METTL6: variants seen among roughly 807,000 people sequenced by gnomAD.
METTL6 encodes tRNA N(3)-cytidine methyltransferase METTL6.
A neutral mutation model predicts 26.4 loss-of-function variants in METTL6; 22 were observed. The ratio of observed to expected loss-of-function variants is 0.83; its 90% CI spans 0.59 to 1.19. The LOEUF is 1.19. Ranked by LOEUF, METTL6 falls within the 50% of genes most tolerant of loss-of-function variation. The probability of loss-of-function intolerance (pLI) is 0.00; values close to 1 mark genes in which losing one functional copy is unlikely to be tolerated. For missense variants in METTL6, 304 were observed against 324.8 expected (o/e 0.94, Z 0.49); for synonymous variants, 109 against 116.2 (o/e 0.94, Z 0.40).
chr3:15,406,609 TATATATATATATATATATATAGAG>T (rs1457121750), downstream of METTL6, among the ~76,000 whole-genome samples: 88 of 89,256 alleles, frequency 9.9e-4, no homozygotes, highest in African/African-American at 3.0e-3. Context: ...TATATATATA[TATATATATATATATATATATAGAG>T]AGAGAGAGAG....
At chr3:15,418,241 A>C (rs947885041) in intron 3 of METTL6, among the ~76,000 whole-genome samples, 3 of 152,224 alleles carry the variant, frequency 2.0e-5, no homozygotes, top group Non-Finnish European at 2.9e-5. Flanking sequence ...CAGATGCTGG[A>C]TCCAAAAGCT....
chr3:15,413,987 A>C, intron 5 of METTL6, 34 bp downstream of exon 5: 1 of 1,613,524 alleles, frequency 6.2e-7, no homozygotes, highest in Non-Finnish European at 8.5e-7. Context: ...AACAAAGAAT[A>C]AAACATTTAA....
chr3:15,407,220 A>G (rs1699827615), downstream of METTL6, among the ~76,000 whole-genome samples: 1 of 152,028 alleles, frequency 6.6e-6, no homozygotes, highest in African/African-American at 2.4e-5. Flanking sequence ...GGGTTTTAAC[A>G]TGTTGGCCAG....
At position 15,397,478 on chromosome 3, in the gene METTL6, C is replaced by T. The variant is rs185583149; in HGVS notation, c.*12-13291G>A. 3.2e-3 allele frequency among the ~76,000 whole-genome samples: 484 copies of T among 152,234 alleles called. 3 individuals carry two copies. Among genetic ancestry groups the T allele is most frequent in the Non-Finnish European group, 4.9e-3 (332 of 68,012 alleles). ...CCTGCTTCGGCTCGGGCTCAATGCA[C>T]GGCACACACTGTCCTGCACCCACTG... is the stretch of plus-strand genomic sequence containing the variant. On this transcript the variant is annotated intron_variant, in intron 6 of 6. Transcript: ENST00000443029.
intron 6 of METTL6, among the ~76,000 whole-genome samples, chr3:15,389,849 A>ATTTTTTT (rs58728599): frequency 7.5e-6 from 1 of 132,966 alleles, no homozygotes; most frequent in African/African-American, 2.9e-5. Context: ...CGCCCGGCCA[A>ATTTTTTT]TTTTTTTTTT....
intron 3 of METTL6, among the ~76,000 whole-genome samples, chr3:15,417,552 GT>G (rs1324630523): frequency 2.0e-5 from 3 of 151,838 alleles, no homozygotes; most frequent in African/African-American, 7.3e-5. Context: ...ACAAAACGTA[GT>G]AATAAAACAA....
chr3:15,398,075 A>C (rs1699540632), intron 6 of METTL6, among the ~76,000 whole-genome samples: 1 of 148,232 alleles, frequency 6.7e-6, no homozygotes, highest in African/African-American at 2.5e-5. Context: ...CCTTTCCCCC[A>C]AACTACCTTT....
intron 2 of METTL6, 87 bp from the exon 3 acceptor site, chr3:15,425,176 T>A: frequency 2.1e-6 from 3 of 1,402,542 alleles, no homozygotes; most frequent in Non-Finnish European, 3.0e-6. Flanking sequence ...ATATGAGAGG[T>A]CTCCGACCCC....
At chr3:15,397,519 T>C (rs1699524289) in intron 6 of METTL6, among the ~76,000 whole-genome samples, 1 of 152,046 alleles carries the variant, frequency 6.6e-6, no homozygotes, top group African/African-American at 2.4e-5. Context: ...CAATCCCCAG[T>C]GAGATGCACC....
chr3:15,405,786 T>C (rs114420593), downstream of METTL6, among the ~76,000 whole-genome samples: 1,117 of 152,330 alleles, frequency 7.3e-3, 16 homozygotes, highest in African/African-American at 0.025. Flanking sequence ...TGGTACTTTA[T>C]AGTAAACCAA....
At chr3:15,415,994 C>A in intron 3 of METTL6, 52 bp from the exon 4 acceptor site, 2 of 1,504,754 alleles carry the variant, frequency 1.3e-6, no homozygotes, top group Non-Finnish European at 1.8e-6. Flanking sequence ...TAGGCTGATA[C>A]ATATAGAAAA....
intron 5 of METTL6, 42 bp downstream of exon 5, chr3:15,413,979 C>A: frequency 3.1e-6 from 5 of 1,612,986 alleles, no homozygotes; most frequent in Non-Finnish European, 4.2e-6. Context: ...TAAACAGAAA[C>A]AAAGAATAAA....
Position 15,426,365 on chromosome 3 carries a change from GT to G in METTL6, c.146del (p.Tyr49SerfsTer22), listed in dbSNP as rs750779510. 4 of 1,614,152 alleles carry G rather than the reference GT, an allele frequency of 2.5e-6. No individual in the cohort carries two copies. Among genetic ancestry groups the G allele is most frequent in the Non-Finnish European group, 3.4e-6 (4 of 1,180,016 alleles). On this transcript the variant is annotated frameshift_variant, in exon 2 of 6. Transcript: ENST00000383790. LOFTEE classifies it high-confidence loss of function. ...TGAAGAAATTAGTGCTATTTCTTTT[GT>G]AAAAAAGATCCCAATTTTTCTGAGC... ...QEAQKNWDLF[Y>X]KRNSTNFFKD...
chr3:15,402,466 G>A (rs1349023353), intron 6 of METTL6, among the ~76,000 whole-genome samples: 2 of 152,090 alleles, frequency 1.3e-5, no homozygotes, highest in Non-Finnish European at 2.9e-5. Context: ...GGGCATGGTG[G>A]CTTACACCAG....
chr3:15,409,215 T>C (rs746652537), downstream of METTL6, among the ~76,000 whole-genome samples: 2 of 152,130 alleles, frequency 1.3e-5, no homozygotes, highest in Non-Finnish European at 2.9e-5. Context: ...ATGACTATTA[T>C]CCAACCCCTT....
rs777266344 is a variant in METTL6 at position 15,414,004 on chromosome 3, G to A, written c.673+17C>T. 6.2e-7 allele frequency: 1 copy of A among 1,613,760 alleles called. No individual in the cohort carries two copies. Among genetic ancestry groups the A allele is most frequent in the East Asian group, 2.2e-5 (1 of 44,874 alleles). ...CAAAGAATAAAACATTTAAAGACTG[G>A]ATTCCATTCATCTTACCATCAGTAA... On this transcript the variant is annotated intron_variant, in intron 5 of 5. Transcript: ENST00000383790.
intron 6 of METTL6, among the ~76,000 whole-genome samples, chr3:15,395,168 T>C (rs1699453593): frequency 1.3e-5 from 2 of 152,252 alleles, no homozygotes; most frequent in African/African-American, 4.8e-5. Flanking sequence ...ACTTGCTTTA[T>C]GCATCTGGGT....
rs573003477 is a variant in METTL6 at position 15,394,713 on chromosome 3, G to T, written c.*12-10526C>A. Among the ~76,000 whole-genome samples the T allele has an allele frequency of 3.3e-5, 5 of 152,324 alleles. No homozygotes were observed. The South Asian group carries it at 6.2e-4, about 19-fold the overall frequency. On this transcript the variant is annotated intron_variant, in intron 6 of 6. Coordinates refer to the METTL6 transcript ENST00000443029. ...GTATGTTGTGTCTTTGTTCTCGTTG[G>T]TTTCAAAGAACATCTTTATTTCTGC...
intron 6 of METTL6, among the ~76,000 whole-genome samples, chr3:15,392,512 T>C (rs1221892704): frequency 2.0e-5 from 3 of 152,214 alleles, no homozygotes; most frequent in East Asian, 3.8e-4. Context: ...TAGATCCCAT[T>C]TGTCAATTTT....
Sources: gnomAD v4.1 joint callset for allele counts (sites outside exome capture counted in the v4.1 genomes callset) on GRCh38, gnomAD v4.1.1 for gene constraint, MANE v1.5 for transcripts, NCBI Gene and HGNC (gene_info 2026-07-23, HGNC 2026-07-21) for gene names.